Variants in LHFPL3 observed in about 807,000 individuals in gnomAD.
LHFPL3 encodes the protein LHFPL tetraspan subfamily member 3, also known as LHFPL tetraspan subfamily member 3 protein.
Under a neutral mutation model 19.3 loss-of-function variants are expected in LHFPL3, and 5 were observed. The observed-to-expected ratio is 0.26, with a 90% CI of 0.14 to 0.54. The LOEUF (loss-of-function observed/expected upper bound fraction) is 0.54, where lower values mean the gene tolerates loss of function less well. LHFPL3 is among the 20% of genes least tolerant of loss of function. The pLI is 0.94. For missense variants in LHFPL3, 249 were observed against 307.4 expected (o/e 0.81, Z 1.42); for synonymous variants, 133 against 126.2 (o/e 1.05, Z -0.36).
intron 1 of LHFPL3, among the ~76,000 whole-genome samples, chr7:104,442,272 G>C (rs908379027): frequency 4.0e-5 from 6 of 150,740 alleles, no homozygotes; most frequent in Non-Finnish European, 8.9e-5. Flanking sequence ...GAATTGTAGT[G>C]GTTCCTTATA....
chr7:104,862,360 T>C (rs1232745412), intron 2 of LHFPL3, among the ~76,000 whole-genome samples: 1 of 152,160 alleles, frequency 6.6e-6, no homozygotes, highest in Non-Finnish European at 1.5e-5. Flanking sequence ...CTACTACATA[T>C]TGCCACCTCC....
chr7:104,411,363 A>T (rs1485141400), intron 1 of LHFPL3, among the ~76,000 whole-genome samples: 1 of 152,186 alleles, frequency 6.6e-6, no homozygotes, highest in Admixed American at 6.5e-5. Flanking sequence ...TTTTGGCTGG[A>T]TATATTCTTT....
chr7:104,737,990 A>C (rs1241942971), intron 2 of LHFPL3, among the ~76,000 whole-genome samples: 1 of 92,638 alleles, frequency 1.1e-5, no homozygotes, highest in African/African-American at 3.5e-5. Flanking sequence ...TTATGCGGGT[A>C]AACTGTTTAT....
intron 1 of LHFPL3, among the ~76,000 whole-genome samples, chr7:104,577,469 C>G (rs117203328): frequency 8.6e-5 from 13 of 151,988 alleles, no homozygotes; most frequent in Non-Finnish European, 1.9e-4. Context: ...TACACACACA[C>G]GTATATATAC....
chr7:104,903,877 G>A (rs1472659036), intron 2 of LHFPL3, among the ~76,000 whole-genome samples: 1 of 152,120 alleles, frequency 6.6e-6, no homozygotes, highest in African/African-American at 2.4e-5. Flanking sequence ...ATTGTTAATA[G>A]TGCTGCAACG....
intron 1 of LHFPL3, among the ~76,000 whole-genome samples, chr7:104,435,381 A>G (rs1792082984): frequency 6.6e-6 from 1 of 151,870 alleles, no homozygotes; most frequent in Non-Finnish European, 1.5e-5. Context: ...GCCTCAAGTG[A>G]TCTCCTTGCC....
At chr7:104,781,643 C>G (rs915179749) in intron 2 of LHFPL3, among the ~76,000 whole-genome samples, 1 of 152,152 alleles carries the variant, frequency 6.6e-6, no homozygotes, top group Non-Finnish European at 1.5e-5. Context: ...TAGTTACTTT[C>G]TCCTTCCGCC....
chr7:104,344,762 A>G (rs957312723), intron 1 of LHFPL3, among the ~76,000 whole-genome samples: 2 of 152,160 alleles, frequency 1.3e-5, no homozygotes, highest in African/African-American at 4.8e-5. Flanking sequence ...ATAATGACTT[A>G]TTTTCCTTTG....
chr7:104,456,886 T>G (rs1792552521), intron 1 of LHFPL3, among the ~76,000 whole-genome samples: 1 of 152,202 alleles, frequency 6.6e-6, no homozygotes, highest in Admixed American at 6.5e-5. Context: ...ATTTAAAACT[T>G]ATGAATTGTT....
intron 1 of LHFPL3, among the ~76,000 whole-genome samples, chr7:104,472,777 A>G (rs1792936761): frequency 6.6e-6 from 1 of 152,128 alleles, no homozygotes; most frequent in South Asian, 2.1e-4. Flanking sequence ...GGCATATCCT[A>G]TTCAGTATCA....
intron 1 of LHFPL3, among the ~76,000 whole-genome samples, chr7:104,517,426 ATAT>A (rs1212348515): frequency 1.9e-4 from 29 of 151,140 alleles, no homozygotes; most frequent in African/African-American, 6.8e-4. Flanking sequence ...TTATATCAAT[ATAT>A]TATTTAATAC....
intron 1 of LHFPL3, among the ~76,000 whole-genome samples, chr7:104,473,842 C>T (rs1370171162): frequency 6.6e-6 from 1 of 152,174 alleles, no homozygotes; most frequent in African/African-American, 2.4e-5. Context: ...AAAAATATCC[C>T]TTGATATTCC....
chr7:104,636,718 T>G (rs1791734171), intron 1 of LHFPL3, among the ~76,000 whole-genome samples: 1 of 152,198 alleles, frequency 6.6e-6, no homozygotes, highest in Admixed American at 6.5e-5. Flanking sequence ...ATGTTCCTGA[T>G]CTCATTCTTT....
chr7:104,409,916 C>A (rs1030022472), intron 1 of LHFPL3, among the ~76,000 whole-genome samples: 1 of 151,890 alleles, frequency 6.6e-6, no homozygotes, highest in South Asian at 2.1e-4. Flanking sequence ...TGGATTTACG[C>A]TTTTCAGAAA....
chr7:104,836,080 TCTGATATTTAAG>T (rs1289706207), intron 2 of LHFPL3, among the ~76,000 whole-genome samples: 2 of 150,390 alleles, frequency 1.3e-5, no homozygotes, highest in African/African-American at 2.5e-5. Flanking sequence ...CCTCCGAGGA[TCTGATATTTAAG>T]CTGGCATGCA....
chr7:104,428,603 C>T (rs1791893205), intron 1 of LHFPL3, among the ~76,000 whole-genome samples: 1 of 152,216 alleles, frequency 6.6e-6, no homozygotes, highest in Non-Finnish European at 1.5e-5. Flanking sequence ...ACGTCTACCT[C>T]AAGCCTAAGT....
intron 2 of LHFPL3, among the ~76,000 whole-genome samples, chr7:104,833,034 T>G (rs1562808022): frequency 8.0e-4 from 1 of 1,246 alleles, no homozygotes; most frequent in African/African-American, 1.7e-3. Context: ...AGATATATTA[T>G]ATATATATAT....
At chr7:104,492,462 A>G (rs567766906) in intron 1 of LHFPL3, among the ~76,000 whole-genome samples, 2 of 152,334 alleles carry the variant, frequency 1.3e-5, no homozygotes, top group South Asian at 2.1e-4. Flanking sequence ...ACCATGTTGC[A>G]TTCACAAAGA....
intron 2 of LHFPL3, among the ~76,000 whole-genome samples, chr7:104,863,086 T>C (rs907651365): frequency 6.6e-6 from 1 of 152,212 alleles, no homozygotes; most frequent in African/African-American, 2.4e-5. Flanking sequence ...GAGCTTTTCC[T>C]AATTAGTCAT....
Sources: allele counts gnomAD v4.1 joint callset (sites outside exome capture counted in the v4.1 genomes callset), GRCh38; gene constraint gnomAD v4.1.1; transcripts MANE v1.5; gene names NCBI Gene and HGNC (gene_info 2026-07-23, HGNC 2026-07-21).